The following WDR53 variants were observed in gnomAD, a reference collection of about 807,000 sequenced individuals.
The protein encoded by WDR53 is WD repeat domain 53, also known as WD repeat-containing protein 53.
Under a neutral mutation model 21.3 loss-of-function variants are expected in WDR53, and 19 were observed. The observed-to-expected ratio is 0.89, with a 90% confidence interval of 0.62 to 1.31. The LOEUF (loss-of-function observed/expected upper bound fraction) is 1.31. Ranked by LOEUF, WDR53 falls within the 50% of genes most tolerant of loss-of-function variation. The pLI is 0.00. For synonymous variants in WDR53, 157 were observed against 163.4 expected (o/e 0.96, Z 0.30); for missense variants, 374 against 423.2 (o/e 0.88, Z 1.02).
intron 3 of WDR53, among the ~76,000 whole-genome samples, chr3:196,557,370 C>CTGT (rs1734422198): frequency 6.6e-6 from 1 of 152,094 alleles, no homozygotes; most frequent in Non-Finnish European, 1.5e-5. Flanking sequence ...GGGAGCCAGC[C>CTGT]CTCCTCTGCA....
Position 196,559,991 on chromosome 3 carries a change from G to A in WDR53, c.480+1005C>T, listed in dbSNP as rs1186117813. Among the ~76,000 whole-genome samples the A allele has an allele frequency of 2.6e-5, 4 of 152,188 alleles. No individual in the cohort carries two copies. In the South Asian group the frequency reaches 6.2e-4, roughly 24 times the overall value. On this transcript the variant is annotated intron_variant, in intron 3 of 3. Transcript: ENST00000332629. Reference sequence around the variant, plus strand: ...ACAGAAATCATGACGACTCACTCCAGTGATGAGATTTACTCTCTCAAGAGG... The same window carrying A: ...ACAGAAATCATGACGACTCACTCCAATGATGAGATTTACTCTCTCAAGAGG...
intron 3 of WDR53, among the ~76,000 whole-genome samples, chr3:196,559,484 G>T (rs1257704077): frequency 1.3e-5 from 2 of 152,162 alleles, no homozygotes; most frequent in Non-Finnish European, 2.9e-5. Context: ...CAGGAGAGGG[G>T]AACAGCATGG....
At chr3:196,560,683 G>A (rs1324213615) in intron 3 of WDR53, among the ~76,000 whole-genome samples, 2 of 152,294 alleles carry the variant, frequency 1.3e-5, no homozygotes, top group East Asian at 3.9e-4. Flanking sequence ...CAGAGAGTGG[G>A]TGGACCAACT....
chr3:196,563,518 T>A (rs1267762847), intron 2 of WDR53, among the ~76,000 whole-genome samples: 4 of 151,698 alleles, frequency 2.6e-5, no homozygotes, highest in African/African-American at 4.9e-5. Context: ...GGTACAGAGA[T>A]AAAATCATTT....
At chr3:196,564,677 T>C (rs1308245306) in intron 2 of WDR53, among the ~76,000 whole-genome samples, 2 of 152,158 alleles carry the variant, frequency 1.3e-5, no homozygotes, top group East Asian at 3.8e-4. Context: ...CTTTCAAATC[T>C]TTAGAATGTC....
chr3:196,566,182 G>A (rs74781785), intron 2 of WDR53, among the ~76,000 whole-genome samples: 4 of 151,454 alleles, frequency 2.6e-5, no homozygotes, highest in African/African-American at 7.3e-5. Context: ...TTCCACCTTC[G>A]GGGCTCAAGT....
chr3:196,565,763 C>G (rs555425243), intron 2 of WDR53, among the ~76,000 whole-genome samples: 2 of 152,278 alleles, frequency 1.3e-5, no homozygotes, highest in South Asian at 4.1e-4. Context: ...AAAAGTTAAT[C>G]AGATTGCTGT....
At chr3:196,564,102 T>TG (rs1268644627) in intron 2 of WDR53, among the ~76,000 whole-genome samples, 1 of 152,078 alleles carries the variant, frequency 6.6e-6, no homozygotes, top group African/African-American at 2.4e-5. Flanking sequence ...AGGAGAGAAT[T>TG]GGAGAGGAAA....
At chr3:196,567,491 T>C (rs975064939) in intron 1 of WDR53, among the ~76,000 whole-genome samples, 184 bp from the exon 2 acceptor site, 8 of 152,176 alleles carry the variant, frequency 5.3e-5, no homozygotes, top group Non-Finnish European at 8.8e-5. Flanking sequence ...AAAGATTTCT[T>C]ACTACATAAA....
chr3:196,560,379 T>C (rs955459803), intron 3 of WDR53, among the ~76,000 whole-genome samples: 1 of 152,018 alleles, frequency 6.6e-6, no homozygotes, highest in Non-Finnish European at 1.5e-5. Context: ...GTAGCTGGGA[T>C]TGCAGGAGCC....
chr3:196,556,604 C>T (rs1248924854), intron 3 of WDR53, among the ~76,000 whole-genome samples: 5 of 150,298 alleles, frequency 3.3e-5, no homozygotes, highest in Admixed American at 6.7e-5. Flanking sequence ...TGCAGTGAGC[C>T]GAGATCACAC....
chr3:196,564,460 A>G (rs1735189545), intron 2 of WDR53, among the ~76,000 whole-genome samples: 1 of 147,190 alleles, frequency 6.8e-6, no homozygotes, highest in Non-Finnish European at 1.5e-5. Flanking sequence ...CCCAGGCTCA[A>G]GTGATCCTCC....
chr3:196,560,482 C>T (rs929661119), intron 3 of WDR53, among the ~76,000 whole-genome samples: 2 of 152,096 alleles, frequency 1.3e-5, no homozygotes, highest in Admixed American at 6.5e-5. Context: ...AGTGATCTGC[C>T]CACCTCGGCC....
At chr3:196,558,707 T>G (rs1577564897) in intron 3 of WDR53, among the ~76,000 whole-genome samples, 1 of 152,274 alleles carries the variant, frequency 6.6e-6, no homozygotes, top group African/African-American at 2.4e-5. Context: ...GCCTACATTC[T>G]TGGGCTCCCC....
chr3:196,567,900 GCCA>G (rs1735583560), intron 1 of WDR53, among the ~76,000 whole-genome samples: 1 of 151,978 alleles, frequency 6.6e-6, no homozygotes, highest in African/African-American at 2.4e-5. Flanking sequence ...AGAGGCGCAC[GCCA>G]CCACCCTCGG....
chr3:196,563,382 G>A (rs1048355097), intron 2 of WDR53, among the ~76,000 whole-genome samples: 23 of 152,132 alleles, frequency 1.5e-4, no homozygotes, highest in African/African-American at 5.6e-4. Flanking sequence ...AAGACAAAAG[G>A]AAGCAAATAA....
At chr3:196,556,595 G>C (rs1734338408) in intron 3 of WDR53, among the ~76,000 whole-genome samples, 1 of 151,230 alleles carries the variant, frequency 6.6e-6, no homozygotes, top group African/African-American at 2.4e-5. Context: ...GGCAGAGCTT[G>C]CAGTGAGCCG....
Position 196,557,784 on chromosome 3 carries a change from C to T in WDR53, c.481-2977G>A, listed in dbSNP as rs1488384900. Among the ~76,000 whole-genome samples the T allele has an allele frequency of 5.2e-3, 748 of 142,662 alleles. 8 individuals carry two copies. Among genetic ancestry groups the T allele is most frequent in the African/African-American group, 0.018 (701 of 38,846 alleles). The allele number at this position is 142,662 out of a possible 152,430, so 93.6% of individuals were successfully genotyped here. ...GTATTTATTTAATTTTTTTTCTTTT[C>T]TTTTTTTTTTTTTGAGACAAGGTCT... On this transcript the variant is annotated intron_variant, in intron 3 of 3. Coordinates refer to ENST00000332629, the MANE Select transcript of WDR53 (RefSeq NM_182627.3).
At chr3:196,559,910 G>C (rs896780910) in intron 3 of WDR53, among the ~76,000 whole-genome samples, 2 of 152,128 alleles carry the variant, frequency 1.3e-5, no homozygotes, top group Admixed American at 6.5e-5. Flanking sequence ...AGGAGGGTGT[G>C]ATTAGAATTA....
Sources: allele counts gnomAD v4.1 joint callset (sites outside exome capture counted in the v4.1 genomes callset), GRCh38; gene constraint gnomAD v4.1.1; transcripts MANE v1.5; gene names NCBI Gene and HGNC (gene_info 2026-07-23, HGNC 2026-07-21).